The following RIMS1 variants were observed in gnomAD, a reference collection of about 807,000 sequenced individuals.
RIMS1 encodes regulating synaptic membrane exocytosis protein 1.
A neutral mutation model predicts 214.1 loss-of-function variants in RIMS1; 83 were observed. The observed-to-expected ratio is 0.39, with a 90% confidence interval of 0.32 to 0.47. The LOEUF is 0.47. Among genes scored for constraint, RIMS1 ranks in the 20% least tolerant of loss-of-function variants. RIMS1 has a pLI of 0.99. For synonymous variants in RIMS1, 793 were observed against 786.8 expected (o/e 1.01, Z -0.13); for missense variants, 2,050 against 2,161.8 (o/e 0.95, Z 1.03).
intron 29 of RIMS1, among the ~76,000 whole-genome samples, chr6:72,388,317 G>T (rs1449026231): frequency 2.0e-5 from 3 of 152,196 alleles, no homozygotes; most frequent in African/African-American, 7.2e-5. Flanking sequence ...CAGCATGCTT[G>T]CAGGCTTGAG....
chr6:72,155,618 C>A (rs556671627), intron 4 of RIMS1, among the ~76,000 whole-genome samples: 1 of 141,386 alleles, frequency 7.1e-6, no homozygotes, highest in African/African-American at 2.4e-5. Flanking sequence ...CAAGGAGCAG[C>A]AAATCATTTC....
chr6:72,324,921 C>A (rs549832224), intron 28 of RIMS1, among the ~76,000 whole-genome samples: 62 of 151,872 alleles, frequency 4.1e-4, no homozygotes, highest in African/African-American at 1.3e-3. Flanking sequence ...ATTTTCCTAA[C>A]CCTGACTTAC....
At chr6:72,022,250 C>G (rs954031734) in intron 2 of RIMS1, among the ~76,000 whole-genome samples, 1 of 152,126 alleles carries the variant, frequency 6.6e-6, no homozygotes, top group Non-Finnish European at 1.5e-5. Flanking sequence ...CAGCCATTGA[C>G]AGCAAAACGT....
Position 72,259,113 on chromosome 6 carries a change from T to C in RIMS1, c.3053+2T>C, listed in dbSNP as rs765396020. ...TCAGTATTTATCAGAACAAGACAGG[T>C]ATTTGTCAAAATTATGATCTCAACG... On this transcript the variant is annotated splice_donor_variant, in intron 18 of 33. Coordinates refer to ENST00000521978, the MANE Select transcript of RIMS1 (RefSeq NM_014989.7). LOFTEE classifies it high-confidence loss of function. 1.2e-6 allele frequency: 2 copies of C among 1,610,854 alleles called. No homozygotes were observed. Among genetic ancestry groups the C allele is most frequent in the African/African-American group, 2.7e-5 (2 of 74,904 alleles).
At chr6:72,027,182 T>C (rs370934476) in intron 2 of RIMS1, among the ~76,000 whole-genome samples, 1 of 152,180 alleles carries the variant, frequency 6.6e-6, no homozygotes, top group Non-Finnish European at 1.5e-5. Context: ...ACTGGCATTC[T>C]TCTGGTTTAT....
chr6:71,980,525 G>T (rs145489230), intron 2 of RIMS1, among the ~76,000 whole-genome samples: 1 of 152,218 alleles, frequency 6.6e-6, no homozygotes, highest in East Asian at 1.9e-4. Context: ...GTGAAAGGCA[G>T]TTGAGGCCAG....
intron 6 of RIMS1, among the ~76,000 whole-genome samples, chr6:72,204,227 G>A (rs576293431): frequency 1.4e-4 from 22 of 152,166 alleles, no homozygotes; most frequent in Non-Finnish European, 2.4e-4. Context: ...TCTACTTTGA[G>A]ATAATAAATG....
intron 4 of RIMS1, among the ~76,000 whole-genome samples, chr6:72,167,214 A>C (rs2046386636): frequency 6.6e-6 from 1 of 151,788 alleles, no homozygotes; most frequent in Admixed American, 6.6e-5. Context: ...TTTATATATA[A>C]AATGTTTATT....
intron 6 of RIMS1, among the ~76,000 whole-genome samples, chr6:72,224,814 C>T (rs945011694): frequency 2.0e-5 from 3 of 152,108 alleles, no homozygotes; most frequent in Non-Finnish European, 2.9e-5. Flanking sequence ...GTTGAAAGAA[C>T]ATGACTTTAT....
intron 2 of RIMS1, among the ~76,000 whole-genome samples, chr6:71,990,937 A>G (rs995887983): frequency 2.0e-5 from 3 of 152,186 alleles, no homozygotes; most frequent in African/African-American, 7.2e-5. Context: ...CATAAAATAT[A>G]TTTTAAAACA....
intron 4 of RIMS1, among the ~76,000 whole-genome samples, chr6:72,143,495 A>G (rs911673779): frequency 6.6e-6 from 1 of 152,196 alleles, no homozygotes; most frequent in African/African-American, 2.4e-5. Flanking sequence ...TCCAGAAGGT[A>G]GATCTTGGTG....
chr6:72,346,656 G>C (rs2097274901), intron 29 of RIMS1, among the ~76,000 whole-genome samples: 2 of 151,810 alleles, frequency 1.3e-5, no homozygotes, highest in South Asian at 4.2e-4. Context: ...GTCTGGCTTA[G>C]AGTCTGGTTT....
At chr6:71,967,355 T>C (rs1443955159) in intron 1 of RIMS1, among the ~76,000 whole-genome samples, 1 of 151,816 alleles carries the variant, frequency 6.6e-6, no homozygotes, top group Non-Finnish European at 1.5e-5. Context: ...ACCACTGCAC[T>C]CCATCCTGGG....
chr6:72,057,191 A>G (rs549105852), intron 2 of RIMS1, among the ~76,000 whole-genome samples: 125 of 152,304 alleles, frequency 8.2e-4, no homozygotes, highest in Admixed American at 1.4e-3. Flanking sequence ...TCAAACTCAC[A>G]TATTCAGTTG....
intron 27 of RIMS1, 92 bp from the exon 28 acceptor site, chr6:72,313,414 T>C: frequency 9.4e-7 from 1 of 1,068,622 alleles, no homozygotes; most frequent in Non-Finnish European, 1.4e-6. Context: ...ACACCTTTAT[T>C]TGGTGTGGGC....
At chr6:72,356,910 T>C (rs2154378270) in intron 29 of RIMS1, among the ~76,000 whole-genome samples, 1 of 152,318 alleles carries the variant, frequency 6.6e-6, no homozygotes, top group African/African-American at 2.4e-5. Context: ...TCTTTGAGCT[T>C]CAAATATCCT....
chr6:72,253,933 T>C (rs572910221), intron 16 of RIMS1, among the ~76,000 whole-genome samples: 1 of 152,262 alleles, frequency 6.6e-6, no homozygotes, highest in East Asian at 1.9e-4. Flanking sequence ...TGGCACAATC[T>C]CAGCTCACTG....
intron 29 of RIMS1, among the ~76,000 whole-genome samples, chr6:72,388,511 T>C (rs1239700237): frequency 6.6e-6 from 1 of 152,218 alleles, no homozygotes; most frequent in African/African-American, 2.4e-5. Flanking sequence ...GAATGATATA[T>C]TCAGATTTAC....
intron 4 of RIMS1, among the ~76,000 whole-genome samples, chr6:72,134,969 A>G (rs2041043518): frequency 6.6e-6 from 1 of 152,094 alleles, no homozygotes; most frequent in African/African-American, 2.4e-5. Flanking sequence ...TGTGACATTC[A>G]GTTTGAGTAC....
Sources: gnomAD v4.1 joint callset for allele counts (sites outside exome capture counted in the v4.1 genomes callset) on GRCh38, gnomAD v4.1.1 for gene constraint, MANE v1.5 for transcripts, NCBI Gene and HGNC (gene_info 2026-07-23, HGNC 2026-07-21) for gene names.